Variants in HDAC9 observed in about 807,000 individuals in gnomAD.
HDAC9 encodes the protein MEF-2 interacting transcription repressor (MITR) protein.
A neutral mutation model predicts 139.4 loss-of-function variants in HDAC9; 41 were observed. The observed-to-expected ratio is 0.29, with a 90% CI of 0.23 to 0.38. The LOEUF is 0.38. Ranked by LOEUF, HDAC9 falls within the 10% of genes least tolerant of loss-of-function variation. The probability of loss-of-function intolerance (pLI) is 1.00; values close to 1 mark genes in which losing one functional copy is unlikely to be tolerated. For synonymous variants in HDAC9, 517 were observed against 476.2 expected (o/e 1.09, Z -1.12); for missense variants, 1,147 against 1,297.0 (o/e 0.88, Z 1.78).
At chr7:18,557,723 TATA>T (rs1247314120) in intron 2 of HDAC9, among the ~76,000 whole-genome samples, 4 of 148,852 alleles carry the variant, frequency 2.7e-5, no homozygotes, top group Admixed American at 6.7e-5. Context: ...TATTAACAAT[TATA>T]ATGATATTAA....
In HDAC9 at chr7:18,984,969, G is replaced by A. The variant is rs375778522; in HGVS notation, c.3170+9016G>A. On this transcript the variant is annotated intron_variant, in intron 25 of 25. Transcript: ENST00000686413. The stretch of plus-strand genomic sequence containing the variant: ...TTATTTCTGCACAGCCTTGTGATAT[G>A]AGGGAATATATTCCCAATCACACAT... 4.6e-5 allele frequency among the ~76,000 whole-genome samples: 7 copies of A among 152,228 alleles called. No homozygotes were observed. In the East Asian group the frequency reaches 1.4e-3, roughly 29 times the overall value.
intron 2 of HDAC9, chr7:18,496,603 T>G (rs542340218): frequency 2.4e-6 from 1 of 418,182 alleles, no homozygotes; most frequent in South Asian, 4.2e-5. Context: ...TGGGGGTGTT[T>G]TGCCTTTACT....
rs550040994 is a variant in HDAC9 at position 18,812,973 on chromosome 7, C to A, written c.2323-16188C>A. 3.9e-5 allele frequency among the ~76,000 whole-genome samples: 6 copies of A among 152,144 alleles called. No homozygotes were observed. In the South Asian group the frequency reaches 1.2e-3, roughly 32 times the overall value. ...TTCATTTCACACATTGTACTATTTA[C>A]TTCTAGGATTCCCATTTAGTTCTTT... On this transcript the variant is annotated intron_variant, in intron 17 of 25. Coordinates refer to ENST00000686413, the MANE Select transcript of HDAC9 (RefSeq NM_178425.4).
At chr7:18,810,987 T>C (rs2129190532) in intron 17 of HDAC9, among the ~76,000 whole-genome samples, 1 of 152,014 alleles carries the variant, frequency 6.6e-6, no homozygotes, top group Middle Eastern at 3.4e-3. Flanking sequence ...TTCATGTGGG[T>C]AAATGCCTAG....
chr7:18,356,359 T>TTTG (rs71553925), intron 1 of HDAC9, among the ~76,000 whole-genome samples: 1 of 5,492 alleles, frequency 1.8e-4, no homozygotes, highest in Non-Finnish European at 5.3e-4. Flanking sequence ...AGCACATAGG[T>TTTG]TTTTTTTTTT....
At chr7:18,514,619 C>A (rs1802586608) in intron 2 of HDAC9, among the ~76,000 whole-genome samples, 1 of 152,094 alleles carries the variant, frequency 6.6e-6, no homozygotes, top group Admixed American at 6.6e-5. Flanking sequence ...TTCCAGCTAT[C>A]TTTTTTCCCC....
intron 2 of HDAC9, among the ~76,000 whole-genome samples, chr7:18,528,086 C>T (rs1807534377): frequency 6.6e-6 from 1 of 151,884 alleles, no homozygotes; most frequent in South Asian, 2.1e-4. Context: ...AACTCAAGTT[C>T]AAGTGGAGTT....
intron 12 of HDAC9, among the ~76,000 whole-genome samples, chr7:18,711,280 T>TAAA (rs1784326731): frequency 6.6e-6 from 1 of 152,158 alleles, no homozygotes; most frequent in East Asian, 1.9e-4. Flanking sequence ...TGATTCCACC[T>TAAA]TCTAAATATC....
Position 18,666,221 on chromosome 7 carries a change from G to T in HDAC9, c.1476G>T (p.Ser492=). The T allele has an allele frequency of 6.2e-7, 1 of 1,609,616 alleles. No homozygotes were observed. The highest frequency in any genetic ancestry group is 8.5e-7 in the Non-Finnish European group (1 of 1,177,020). ...QQQIHMNKLL[S]KSIEQLKQPG... ...TGAACACTCTCTTCTAGCTGCTTTC[G>T]AAATCTATTGAACAACTGAAGCAAC... The change falls in exon 12 of 26, where the codon TCG becomes TCT. Residue 492 remains serine, a synonymous_variant. Coordinates refer to ENST00000686413, the MANE Select transcript of HDAC9 (RefSeq NM_178425.4).
intron 2 of HDAC9, among the ~76,000 whole-genome samples, chr7:18,274,056 A>G (rs371628404): frequency 1.3e-5 from 2 of 152,196 alleles, no homozygotes; most frequent in African/African-American, 4.8e-5. Context: ...ATAAGGACCC[A>G]GAAATTCTAT....
At chr7:18,482,640 T>A (rs564470055) in intron 1 of HDAC9, among the ~76,000 whole-genome samples, 4 of 152,202 alleles carry the variant, frequency 2.6e-5, no homozygotes, top group African/African-American at 9.6e-5. Flanking sequence ...AGCAATGCCC[T>A]TATTTATTTT....
intron 12 of HDAC9, among the ~76,000 whole-genome samples, chr7:18,688,475 C>T (rs1479045606): frequency 1.3e-5 from 2 of 151,904 alleles, no homozygotes; most frequent in African/African-American, 2.4e-5. Flanking sequence ...AATATTTTTA[C>T]ATATGCCCTC....
chr7:18,439,207 G>T (rs1791513740), intron 1 of HDAC9, among the ~76,000 whole-genome samples: 1 of 152,110 alleles, frequency 6.6e-6, no homozygotes. Context: ...GGAGTTTTCA[G>T]TCTGTTTCAT....
intron 1 of HDAC9, among the ~76,000 whole-genome samples, chr7:18,405,168 C>T (rs1787895851): frequency 1.3e-5 from 2 of 152,264 alleles, no homozygotes; most frequent in East Asian, 3.9e-4. Context: ...AAAGTTATAA[C>T]AAAATAACAT....
At chr7:18,103,998 A>G (rs1407012732) in intron 1 of HDAC9, among the ~76,000 whole-genome samples, 1 of 152,130 alleles carries the variant, frequency 6.6e-6, no homozygotes, top group Non-Finnish European at 1.5e-5. Flanking sequence ...CTCAGGGAAC[A>G]CTCATACCCA....
chr7:18,818,062 C>T (rs959990378), intron 17 of HDAC9, among the ~76,000 whole-genome samples: 4 of 152,146 alleles, frequency 2.6e-5, no homozygotes, highest in East Asian at 1.9e-4. Flanking sequence ...ACATCGCATG[C>T]GAATTTTGAA....
chr7:18,477,042 G>C (rs992687954), intron 1 of HDAC9, among the ~76,000 whole-genome samples: 2 of 152,076 alleles, frequency 1.3e-5, no homozygotes, highest in African/African-American at 4.8e-5. Flanking sequence ...CATGCCTTTG[G>C]TACTGAACAC....
chr7:18,591,383 T>C, intron 4 of HDAC9, 133 bp from the exon 5 acceptor site: 3 of 1,284,116 alleles, frequency 2.3e-6, no homozygotes, highest in Non-Finnish European at 2.0e-6. Context: ...CTTTATGTGC[T>C]GTGACCAGCG....
At chr7:18,953,309 T>C (rs576397580) in intron 23 of HDAC9, among the ~76,000 whole-genome samples, 3 of 152,270 alleles carry the variant, frequency 2.0e-5, no homozygotes, top group South Asian at 2.1e-4. Flanking sequence ...TGGACAACTA[T>C]TTTATTTGCA....
Sources: allele counts gnomAD v4.1 joint callset (sites outside exome capture counted in the v4.1 genomes callset), GRCh38; gene constraint gnomAD v4.1.1; transcripts MANE v1.5; gene names NCBI Gene and HGNC (gene_info 2026-07-23, HGNC 2026-07-21).